KSR2: variants seen among roughly 807,000 people sequenced by gnomAD.
The protein encoded by KSR2 is kinase suppressor of ras 2.
In KSR2, 25 loss-of-function variants were observed where a neutral mutation model predicts 107.8. The ratio of observed to expected loss-of-function variants is 0.23; its 90% CI spans 0.17 to 0.32. KSR2 has a LOEUF of 0.32. Among genes scored for constraint, KSR2 ranks in the 10% least tolerant of loss-of-function variants. The probability of loss-of-function intolerance (pLI) is 1.00; values close to 1 mark genes in which losing one functional copy is unlikely to be tolerated. For synonymous variants in KSR2, 480 were observed against 507.0 expected, an observed-to-expected ratio of 0.95 and a Z score of 0.71; for missense variants, 887 against 1,268.9, an observed-to-expected ratio of 0.70 and a Z score of 4.57.
At chr12:117,591,752 C>T (rs544735646) in intron 5 of KSR2, among the ~76,000 whole-genome samples, 1 of 152,168 alleles carries the variant, frequency 6.6e-6, no homozygotes, top group South Asian at 2.1e-4. Flanking sequence ...GTCCGTAATC[C>T]CAGCACTTTG....
intron 3 of KSR2, among the ~76,000 whole-genome samples, chr12:117,775,548 C>G (rs187235104): frequency 1.1e-3 from 165 of 152,320 alleles, no homozygotes; most frequent in Non-Finnish European, 2.1e-3. Context: ...GGCCCAAGGC[C>G]AAGATTCAAA....
At chr12:117,691,540 C>T (rs1285199419) in intron 4 of KSR2, among the ~76,000 whole-genome samples, 1 of 152,228 alleles carries the variant, frequency 6.6e-6, no homozygotes, top group African/African-American at 2.4e-5. Flanking sequence ...GGCAGGTTGA[C>T]ATAGACAGAC....
At chr12:117,551,435 T>C (rs926421621) in intron 9 of KSR2, among the ~76,000 whole-genome samples, 10 of 152,190 alleles carry the variant, frequency 6.6e-5, no homozygotes, top group Non-Finnish European at 1.5e-4. Flanking sequence ...GCAACCCCAA[T>C]GATACCTCCT....
At chr12:117,530,135 TA>T (rs1875510614) in intron 12 of KSR2, among the ~76,000 whole-genome samples, 1 of 152,226 alleles carries the variant, frequency 6.6e-6, no homozygotes, top group South Asian at 2.1e-4. Flanking sequence ...GCTGCTTGCA[TA>T]TATTGTGGGT....
At chr12:117,799,936 T>C (rs1245324286) in intron 3 of KSR2, among the ~76,000 whole-genome samples, 1 of 152,178 alleles carries the variant, frequency 6.6e-6, no homozygotes, top group African/African-American at 2.4e-5. Flanking sequence ...GTAATCTGCC[T>C]CCAAGACTCA....
intron 1 of KSR2, among the ~76,000 whole-genome samples, chr12:117,930,580 T>C (rs1182261227): frequency 5.3e-5 from 8 of 152,260 alleles, no homozygotes; most frequent in African/African-American, 1.7e-4. Context: ...GCCCAGCATA[T>C]AGTAAACACT....
At chr12:117,622,262 A>G (rs1882241023) in intron 5 of KSR2, among the ~76,000 whole-genome samples, 1 of 152,076 alleles carries the variant, frequency 6.6e-6, no homozygotes, top group African/African-American at 2.4e-5. Context: ...AATGTGATTC[A>G]CTCAGGATTA....
At chr12:117,556,596 G>A (rs528009996) in intron 8 of KSR2, among the ~76,000 whole-genome samples, 1 of 152,248 alleles carries the variant, frequency 6.6e-6, no homozygotes, top group African/African-American at 2.4e-5. Context: ...ACATCACAGT[G>A]CTTTCAGCAG....
chr12:117,867,124 T>C (rs1396658861), intron 1 of KSR2, among the ~76,000 whole-genome samples: 1 of 152,062 alleles, frequency 6.6e-6, no homozygotes, highest in African/African-American at 2.4e-5. Flanking sequence ...GAGACCAGCC[T>C]GGCCAACATG....
chr12:117,831,993 C>G (rs1364471710), intron 3 of KSR2, among the ~76,000 whole-genome samples: 1 of 152,154 alleles, frequency 6.6e-6, no homozygotes, highest in Admixed American at 6.5e-5. Context: ...TCCTATAAAA[C>G]TTGTACTGTG....
chr12:117,462,601 G>C lies in KSR2; in HGVS notation c.*4598C>G, dbSNP rs1239962461. ...GATTTTGGACTTCTGGCATCCAGAT[G>C]GGTGAGAGATGATACATCTGTTGTT... On this transcript the variant is annotated 3_prime_UTR_variant, in exon 20 of 20. Transcript: ENST00000339824. 1 of 152,228 alleles carries C rather than the reference G, an allele frequency of 6.6e-6. No homozygotes were observed. Among genetic ancestry groups the C allele is most frequent in the Non-Finnish European group, 1.5e-5 (1 of 68,062 alleles). 9.4% of individuals were successfully genotyped at this position (152,228 alleles called of 1,614,324 possible). A position where few individuals can be genotyped will look rare whatever the true frequency, so the allele number is the denominator to read the frequency against.
intron 3 of KSR2, among the ~76,000 whole-genome samples, chr12:117,762,064 T>A (rs181544245): frequency 6.6e-6 from 1 of 152,220 alleles, no homozygotes; most frequent in South Asian, 2.1e-4. Context: ...CCTGTTACCC[T>A]ATTCTCCATT....
Position 117,968,133 on chromosome 12 carries a change from A to T in KSR2, c.123T>A (p.Leu41=). The T allele has an allele frequency of 6.2e-7, 1 of 1,605,756 alleles. No homozygotes were observed. The highest frequency in any genetic ancestry group is 8.5e-7 in the Non-Finnish European group (1 of 1,178,850). ...CGTTGGAGGTAGCACATTTGGTCCTAAGCCCTTCCAGGTTGGAGATGCTCA... is the reference window on the plus strand; with the variant it reads ...CGTTGGAGGTAGCACATTTGGTCCTTAGCCCTTCCAGGTTGGAGATGCTCA... ...IDLSISNLEG[L]RTKCATSNDL... Residue 41 remains leucine, a synonymous_variant, in exon 1 of 20, where the codon CTT becomes CTA. Coordinates refer to ENST00000339824, the MANE Select transcript of KSR2 (RefSeq NM_173598.6).
intron 14 of KSR2, among the ~76,000 whole-genome samples, chr12:117,488,191 CTG>C (rs1467996457): frequency 1.3e-5 from 2 of 152,182 alleles, no homozygotes; most frequent in Non-Finnish European, 2.9e-5. Flanking sequence ...CCATGTGGAA[CTG>C]TGAGTCCATA....
intron 16 of KSR2, among the ~76,000 whole-genome samples, chr12:117,482,964 A>G (rs1872257727): frequency 6.6e-6 from 1 of 152,216 alleles, no homozygotes; most frequent in South Asian, 2.1e-4. Flanking sequence ...TTCCCTTGGG[A>G]CACTGGGAAA....
At chr12:117,618,154 T>G in intron 5 of KSR2, among the ~76,000 whole-genome samples, 1 of 152,182 alleles carries the variant, frequency 6.6e-6, no homozygotes, top group East Asian at 1.9e-4. Flanking sequence ...AAATTTTCCT[T>G]CTGGCAAGCA....
chr12:117,555,316 T>C (rs978539854), intron 8 of KSR2, 23 bp from the exon 9 acceptor site: 1 of 1,612,974 alleles, frequency 6.2e-7, no homozygotes, highest in South Asian at 1.1e-5. Context: ...AAACATTGAT[T>C]TGGGAGTTTA....
chr12:117,707,724 G>A (rs1265288492), intron 4 of KSR2, among the ~76,000 whole-genome samples: 1 of 152,212 alleles, frequency 6.6e-6, no homozygotes, highest in Non-Finnish European at 1.5e-5. Flanking sequence ...AAGAGAAAAT[G>A]AGGACACGGA....
At chr12:117,695,296 A>G (rs941164158) in intron 4 of KSR2, among the ~76,000 whole-genome samples, 1 of 152,168 alleles carries the variant, frequency 6.6e-6, no homozygotes, top group African/African-American at 2.4e-5. Context: ...GGTTCTGGGG[A>G]TGGATAATGG....
Sources: gnomAD v4.1 joint callset for allele counts (sites outside exome capture counted in the v4.1 genomes callset) on GRCh38, gnomAD v4.1.1 for gene constraint, MANE v1.5 for transcripts, NCBI Gene and HGNC (gene_info 2026-07-23, HGNC 2026-07-21) for gene names.